Variants in ZNF75A observed in about 807,000 individuals in gnomAD.
The protein encoded by ZNF75A is zinc finger protein 75A.
In ZNF75A, 36 loss-of-function variants were observed where a neutral mutation model predicts 46.3. The observed-to-expected ratio is 0.78, with a 90% CI of 0.60 to 1.03. The LOEUF (loss-of-function observed/expected upper bound fraction) is 1.03. ZNF75A is among the 50% of genes least tolerant of loss of function. The probability of loss-of-function intolerance (pLI) is 0.00; values close to 1 mark genes in which losing one functional copy is unlikely to be tolerated. For missense variants in ZNF75A, 595 were observed against 551.3 expected, an observed-to-expected ratio of 1.08 and a Z score of -0.79; for synonymous variants, 234 against 189.9, an observed-to-expected ratio of 1.23 and a Z score of -1.91.
intron 5 of ZNF75A, among the ~76,000 whole-genome samples, chr16:3,315,390 T>A (rs554362841): frequency 3.4e-4 from 52 of 151,874 alleles, no homozygotes; most frequent in African/African-American, 1.2e-3. Flanking sequence ...AGAGATAGGG[T>A]TTCATCATGT....
At chr16:3,316,551 G>A in intron 5 of ZNF75A, 1 of 163,224 alleles carries the variant, frequency 6.1e-6, no homozygotes. Flanking sequence ...TCTTATCCAG[G>A]CTGAGTCCTT....
At chr16:3,310,472 A>G (rs1960672137) in intron 2 of ZNF75A, 1 of 152,904 alleles carries the variant, frequency 6.5e-6, no homozygotes, top group Non-Finnish European at 1.4e-5. Flanking sequence ...AAAAAATACA[A>G]AAATCAGCTG....
chr16:3,313,391 C>A (rs888568208), intron 5 of ZNF75A, among the ~76,000 whole-genome samples: 1 of 152,198 alleles, frequency 6.6e-6, no homozygotes, highest in Non-Finnish European at 1.5e-5. Context: ...TTTATCCTTT[C>A]CTTCTCTTTT....
chr16:3,312,627 A>G, intron 3 of ZNF75A, 50 bp from the exon 4 acceptor site: 1 of 850,402 alleles, frequency 1.2e-6, no homozygotes, highest in Non-Finnish European at 1.4e-6. Context: ...AAATGAGCTC[A>G]GGATGTTTAT....
At chr16:3,319,803 T>A (rs1207379683), downstream of ZNF75A, among the ~76,000 whole-genome samples, 13 of 150,346 alleles carry the variant, frequency 8.6e-5, no homozygotes, top group African/African-American at 2.9e-4. Context: ...TTTTATTTTT[T>A]TTTTTATTTT....
chr16:3,317,988 A>C lies in ZNF75A; in HGVS notation c.*119A>C, dbSNP rs1455127227. On this transcript the variant is annotated 3_prime_UTR_variant, in exon 7 of 7. Transcript: ENST00000669516. The stretch of plus-strand genomic sequence containing the variant: ...AAATTTTACATCAGAAAATGGGATA[A>C]ACATACATTTCACAGAAAATAATCA... 2.8e-6 allele frequency: 4 copies of C among 1,438,778 alleles called. No individual in the cohort carries two copies. In the African/African-American group the frequency reaches 5.7e-5, roughly 21 times the overall value. The allele number at this position is 1,438,778 out of a possible 1,614,324, so 89.1% of individuals were successfully genotyped here.
chr16:3,317,971 C>T lies in ZNF75A; in HGVS notation c.*102C>T. 3 of 1,461,342 alleles carry T rather than the reference C, an allele frequency of 2.1e-6. No individual in the cohort carries two copies. Among genetic ancestry groups the T allele is most frequent in the Non-Finnish European group, 2.7e-6 (3 of 1,112,940 alleles). 90.5% of individuals were successfully genotyped at this position (1,461,342 alleles called of 1,614,324 possible). A position where few individuals can be genotyped will look rare whatever the true frequency, so the allele number is the denominator to read the frequency against. Reference sequence around the variant, plus strand: ...AAATCACAAACCTTGAAAAATTTTACATCAGAAAATGGGATAAACATACAT... The same window carrying T: ...AAATCACAAACCTTGAAAAATTTTATATCAGAAAATGGGATAAACATACAT... On this transcript the variant is annotated 3_prime_UTR_variant, in exon 7 of 7. Transcript: ENST00000669516.
downstream of ZNF75A, among the ~76,000 whole-genome samples, chr16:3,320,869 G>T (rs540038923): frequency 4.3e-4 from 65 of 152,282 alleles, no homozygotes; most frequent in African/African-American, 1.5e-3. Context: ...CAGTAAGGTG[G>T]CTATCTTCCT....
chr16:3,306,918 C>G (rs1365136578), intron 1 of ZNF75A: 1 of 151,904 alleles, frequency 6.6e-6, no homozygotes, highest in Non-Finnish European at 1.5e-5. Flanking sequence ...AAATGGAAAA[C>G]TCCAGAAATA....
At chr16:3,319,783 ATTT>A (rs55767869), downstream of ZNF75A, among the ~76,000 whole-genome samples, 9 of 133,336 alleles carry the variant, frequency 6.7e-5, no homozygotes, top group African/African-American at 2.7e-4. Context: ...GAAGCTTTTC[ATTT>A]TTTTTTTTTT....
At chr16:3,311,397 C>T (rs903810120) in intron 2 of ZNF75A, among the ~76,000 whole-genome samples, 6 of 150,998 alleles carry the variant, frequency 4.0e-5, no homozygotes, top group African/African-American at 1.5e-4. Context: ...GAGATTATGC[C>T]TTTGCACCCC....
Position 3,313,157 on chromosome 16 carries a change from G to A in ZNF75A, c.805G>A (p.Glu269Lys). 6.2e-7 allele frequency: 1 copy of A among 1,614,048 alleles called. No individual in the cohort carries two copies. The highest frequency in any genetic ancestry group is 8.5e-7 in the Non-Finnish European group (1 of 1,179,962). ...CAATGATGTAATGCAGGAAAACTATGAGACTGTCATCTCTCTAGGTAAAGA... is the reference window on the plus strand; with the variant it reads ...CAATGATGTAATGCAGGAAAACTATAAGACTGTCATCTCTCTAGGTAAAGA... ...LYNDVMQENY[E>K]TVISLALFVL... The change falls in exon 5 of 7, where the codon GAG becomes AAG. Residue 269 changes from glutamate to lysine, a missense_variant. Transcript: ENST00000669516.
chr16:3,316,201 A>C (rs1961191529), intron 5 of ZNF75A: 1 of 152,220 alleles, frequency 6.6e-6, no homozygotes, highest in African/African-American at 2.4e-5. Context: ...CTGTAATGTA[A>C]AGTCCGTGAA....
rs568375682 is a variant in ZNF75A at position 3,309,351 on chromosome 16, G to A, written c.408+515G>A. The A allele has an allele frequency of 4.6e-5, 7 of 151,318 alleles. No individual in the cohort carries two copies. The East Asian group carries it at 9.7e-4, about 21-fold the overall frequency. The allele number at this position is 151,318 out of a possible 1,614,324, so 9.4% of individuals were successfully genotyped here. The stretch of plus-strand genomic sequence containing the variant: ...GGTGCCTGTAATCCCGGCTATCCTC[G>A]AGGCTGAGGAGGGAGAATCATTTGA... On this transcript the variant is annotated intron_variant, in intron 2 of 6. Transcript: ENST00000669516.
downstream of ZNF75A, among the ~76,000 whole-genome samples, chr16:3,319,449 G>A (rs540635178): frequency 2.0e-5 from 3 of 152,238 alleles, no homozygotes; most frequent in East Asian, 3.9e-4. Flanking sequence ...GCCAACTCTG[G>A]AGCTCTGGTC....
Position 3,312,974 on chromosome 16 carries a change from C to G in ZNF75A, c.697-75C>G, listed in dbSNP as rs543463277. 4.0e-6 allele frequency: 6 copies of G among 1,505,192 alleles called. No homozygotes were observed. The Middle Eastern group carries it at 5.3e-4, about 134-fold the overall frequency. 93.2% of individuals were successfully genotyped at this position (1,505,192 alleles called of 1,614,324 possible). ...TTCTTTTAATTCCTTTATCGCCTGGCCAATTCATAGCCAGGTGGCTAGGCT... is the reference window on the plus strand; with the variant it reads ...TTCTTTTAATTCCTTTATCGCCTGGGCAATTCATAGCCAGGTGGCTAGGCT... On this transcript the variant is annotated intron_variant, in intron 4 of 6. Coordinates refer to ENST00000669516, the MANE Select transcript of ZNF75A (RefSeq NM_001302109.2).
downstream of ZNF75A, chr16:3,323,016 A>G (rs2030002798): frequency 1.3e-6 from 1 of 752,032 alleles, no homozygotes; most frequent in Non-Finnish European, 1.6e-6. Flanking sequence ...GATGAGAGGT[A>G]CTTGCCATGA....
Position 3,311,832 on chromosome 16 carries a change from CAG to C in ZNF75A, c.491_492del (p.Glu164ValfsTer10), listed in dbSNP as rs1960823993. 1 of 1,046,874 alleles carries C rather than the reference CAG, an allele frequency of 9.6e-7. No homozygotes were observed. Among genetic ancestry groups the C allele is most frequent in the Non-Finnish European group, 1.2e-6 (1 of 861,594 alleles). The allele number at this position is 1,046,874 out of a possible 1,614,324, so 64.8% of individuals were successfully genotyped here. ...GCCTCAAGTTTCGGGCTGAAGCCAA[CAG>C]AGTCCCAACCAGTGGGCGTATCCCA... On this transcript the variant is annotated frameshift_variant, in exon 3 of 7. Transcript: ENST00000669516. LOFTEE classifies it high-confidence loss of function.
At chr16:3,315,783 C>T (rs1224625968) in intron 5 of ZNF75A, among the ~76,000 whole-genome samples, 1 of 152,196 alleles carries the variant, frequency 6.6e-6, no homozygotes, top group Non-Finnish European at 1.5e-5. Flanking sequence ...GTTTCAGAAG[C>T]CTGTGGTTAC....
Sources: allele counts gnomAD v4.1 joint callset (sites outside exome capture counted in the v4.1 genomes callset), GRCh38; gene constraint gnomAD v4.1.1; transcripts MANE v1.5; gene names NCBI Gene and HGNC (gene_info 2026-07-23, HGNC 2026-07-21).